Variants in PLCE1 observed in about 807,000 individuals in gnomAD.
PLCE1 encodes phospholipase C epsilon 1, also known as 1-phosphatidylinositol 4,5-bisphosphate phosphodiesterase epsilon-1.
In PLCE1, 119 loss-of-function variants were observed where a neutral mutation model predicts 242.8. That is an observed-to-expected ratio of 0.49 (90% CI 0.42 to 0.57). The LOEUF is 0.57. Among genes scored for constraint, PLCE1 ranks in the 20% least tolerant of loss-of-function variants. The pLI, the probability that PLCE1 is intolerant of heterozygous loss-of-function variation, is 0.00. For synonymous variants in PLCE1, 945 were observed against 1,017.4 expected (o/e 0.93, Z 1.35); for missense variants, 2,441 against 2,788.8 (o/e 0.88, Z 2.81).
Position 94,254,318 on chromosome 10 carries a change from AT to A in PLCE1, c.3397+12del. On this transcript the variant is annotated intron_variant, in intron 10 of 32. Transcript: ENST00000371380. ...AACAAGAAGAATCAGGTAAAGCGGCATGTTTACATCTGAGATTTTTGTTTTT... is the reference window on the plus strand; with the variant it reads ...AACAAGAAGAATCAGGTAAAGCGGCAGTTTACATCTGAGATTTTTGTTTTT... The A allele has an allele frequency of 1.3e-6, 2 of 1,550,062 alleles. No individual in the cohort carries two copies. The highest frequency in any genetic ancestry group is 1.8e-6 in the Non-Finnish European group (2 of 1,121,474).
intron 2 of PLCE1, among the ~76,000 whole-genome samples, chr10:94,053,493 A>G (rs1482565342): frequency 6.6e-6 from 1 of 152,220 alleles, no homozygotes; most frequent in Non-Finnish European, 1.5e-5. Context: ...GTGGTCATTT[A>G]TAGTCGGTTG....
intron 2 of PLCE1, among the ~76,000 whole-genome samples, chr10:94,053,525 G>T (rs1235306457): frequency 6.6e-6 from 1 of 152,202 alleles, no homozygotes; most frequent in African/African-American, 2.4e-5. Context: ...TTGTAAGCCT[G>T]CTGGCCGGAG....
intron 2 of PLCE1, among the ~76,000 whole-genome samples, chr10:94,131,249 T>C (rs1444966875): frequency 6.6e-6 from 1 of 152,210 alleles, no homozygotes; most frequent in Non-Finnish European, 1.5e-5. Flanking sequence ...AGTCTCTGGC[T>C]TCTCAGAATG....
chr10:94,317,269 G>A (rs2053608188), intron 29 of PLCE1, among the ~76,000 whole-genome samples: 1 of 151,822 alleles, frequency 6.6e-6, no homozygotes, highest in Admixed American at 6.6e-5. Context: ...AAAAAGACAA[G>A]GAAATATGTT....
intron 4 of PLCE1, among the ~76,000 whole-genome samples, chr10:94,213,425 G>A (rs1370558783): frequency 2.0e-5 from 3 of 152,044 alleles, no homozygotes; most frequent in Non-Finnish European, 4.4e-5. Context: ...GGGTTCTCAG[G>A]GTGGCTGCCC....
At chr10:94,106,944 C>CTCTCTCTCTCTCTCTCTCTCTCTCTCTCT (rs1554855409) in intron 2 of PLCE1, 2 of 126,284 alleles carry the variant, frequency 1.6e-5, no homozygotes, top group Admixed American at 8.4e-5. Flanking sequence ...CTCTCTCTCT[C>CTCTCTCTCTCTCTCTCTCTCTCTCTCTCT]CCCCTCCCCT....
intron 1 of PLCE1, among the ~76,000 whole-genome samples, chr10:94,018,596 C>G (rs372600249): frequency 2.0e-4 from 30 of 152,292 alleles, no homozygotes; most frequent in African/African-American, 6.7e-4. Context: ...TGTATCTGCA[C>G]TTTTGGTCTG....
chr10:94,231,284 C>T (rs960451202), intron 5 of PLCE1, among the ~76,000 whole-genome samples: 1 of 152,136 alleles, frequency 6.6e-6, no homozygotes, highest in Non-Finnish European at 1.5e-5. Context: ...CAGTGAGAAC[C>T]ATGTCTCATT....
chr10:94,289,693 A>G (rs1312687061), intron 22 of PLCE1, among the ~76,000 whole-genome samples: 1 of 152,178 alleles, frequency 6.6e-6, no homozygotes, highest in African/African-American at 2.4e-5. Flanking sequence ...GACATAAAAG[A>G]TTTAAAATGG....
Position 94,031,828 on chromosome 10 carries a change from A to G in PLCE1, c.782A>G (p.Asp261Gly). ...LQCDHCDTLN[D>G]KYFCFEGSCE... ...TGTGATCATTGTGACACCTTGAATGATAAATACTTTTGCTTTGAAGGCTCT... is the reference window on the plus strand; with the variant it reads ...TGTGATCATTGTGACACCTTGAATGGTAAATACTTTTGCTTTGAAGGCTCT... The change falls in exon 2 of 33, where the codon GAT (aspartate) becomes GGT (glycine). Residue 261 changes from aspartate (D) to glycine (G), a missense_variant. This residue lies in a region of PLCE1 where 393 missense variants were observed against 378.5 expected (regional missense o/e 1.04). Coordinates refer to ENST00000371380, the MANE Select transcript of PLCE1 (RefSeq NM_016341.4). 1 of 1,613,888 alleles carries G rather than the reference A, an allele frequency of 6.2e-7. No individual in the cohort carries two copies. Among genetic ancestry groups the G allele is most frequent in the Non-Finnish European group, 8.5e-7 (1 of 1,179,864 alleles).
At chr10:94,264,579 T>C (rs1354418973) in intron 14 of PLCE1, among the ~76,000 whole-genome samples, 1 of 137,682 alleles carries the variant, frequency 7.3e-6, no homozygotes, top group East Asian at 2.3e-4. Flanking sequence ...TGGAGGGCAG[T>C]GGCGCGATCT....
At chr10:94,153,472 T>C (rs907185157) in intron 3 of PLCE1, among the ~76,000 whole-genome samples, 1 of 152,176 alleles carries the variant, frequency 6.6e-6, no homozygotes, top group African/African-American at 2.4e-5. Flanking sequence ...TCACACATGC[T>C]GATGAAAGAC....
At position 94,031,090 on chromosome 10, in the gene PLCE1, C is replaced by G. The variant is rs1264873184; in HGVS notation, c.44C>G (p.Thr15Ser). 6.2e-7 allele frequency: 1 copy of G among 1,613,522 alleles called. No individual in the cohort carries two copies. Among genetic ancestry groups the G allele is most frequent in the East Asian group, 2.2e-5 (1 of 44,872 alleles). ...ACAGCTTCTGTTCTCATACCTGTGACTCAGAGAAAAGTGGTTTCTGCCCAG... is the reference window on the plus strand; with the variant it reads ...ACAGCTTCTGTTCTCATACCTGTGAGTCAGAGAAAAGTGGTTTCTGCCCAG... The part of the protein sequence containing the change: ...EMTASVLIPV[T>S]QRKVVSAQSA... Residue 15 changes from threonine (T) to serine (S), a missense_variant, in exon 2 of 33, where the codon ACT becomes AGT. Around this residue, in one of 5 missense-constraint regions of PLCE1, gnomAD observed 393 missense variants for 378.5 expected, o/e 1.04. Coordinates refer to ENST00000371380, the MANE Select transcript of PLCE1 (RefSeq NM_016341.4).
intron 16 of PLCE1, among the ~76,000 whole-genome samples, chr10:94,268,517 A>G (rs148162625): frequency 2.0e-5 from 3 of 152,324 alleles, no homozygotes; most frequent in African/African-American, 7.2e-5. Flanking sequence ...TAGCCAGTTC[A>G]TTAAGGACTC....
intron 11 of PLCE1, 53 bp downstream of exon 11, chr10:94,255,102 G>A (rs2051024713): frequency 6.4e-7 from 1 of 1,561,504 alleles, no homozygotes; most frequent in Non-Finnish European, 8.8e-7. Flanking sequence ...TTCCAGTTGT[G>A]TGGAAGGGCA....
At chr10:94,281,358 A>G (rs1440392000) in intron 20 of PLCE1, among the ~76,000 whole-genome samples, 2 of 152,196 alleles carry the variant, frequency 1.3e-5, no homozygotes, top group Non-Finnish European at 2.9e-5. Flanking sequence ...TTTAGAAATT[A>G]TTATTATACT....
chr10:94,146,344 A>G (rs1212522478), intron 3 of PLCE1, among the ~76,000 whole-genome samples: 1 of 152,168 alleles, frequency 6.6e-6, no homozygotes, highest in Admixed American at 6.6e-5. Flanking sequence ...ATGAAATGCA[A>G]TAAAAATTAG....
intron 3 of PLCE1, among the ~76,000 whole-genome samples, chr10:94,152,558 T>C (rs1385565690): frequency 3.3e-5 from 5 of 152,228 alleles, no homozygotes. Flanking sequence ...GATTCAGAAT[T>C]CTGTCCTCAT....
chr10:94,057,539 G>T (rs902251068), intron 2 of PLCE1, among the ~76,000 whole-genome samples: 1 of 152,090 alleles, frequency 6.6e-6, no homozygotes, highest in Non-Finnish European at 1.5e-5. Context: ...GGGCCAAAGG[G>T]TATAGACATA....
Sources: allele counts gnomAD v4.1 joint callset (sites outside exome capture counted in the v4.1 genomes callset), GRCh38; gene constraint gnomAD v4.1.1; regional missense constraint gnomAD v4.1.1; transcripts MANE v1.5; gene names NCBI Gene and HGNC (gene_info 2026-07-23, HGNC 2026-07-21).